SOX5: variants seen among roughly 807,000 people sequenced by gnomAD.
The protein encoded by SOX5 is SRY-box transcription factor 5.
In SOX5, 9 loss-of-function variants were observed where a neutral mutation model predicts 92.0. That is an observed-to-expected ratio of 0.10 (90% CI 0.06 to 0.17). The LOEUF (loss-of-function observed/expected upper bound fraction) is 0.17, where lower values mean the gene tolerates loss of function less well. Among genes scored for constraint, SOX5 ranks in the 10% least tolerant of loss-of-function variants. The pLI, the probability that SOX5 is intolerant of heterozygous loss-of-function variation, is 1.00. For synonymous variants in SOX5, 344 were observed against 336.3 expected (o/e 1.02, Z -0.25); for missense variants, 642 against 944.5 (o/e 0.68, Z 4.20).
intron 1 of SOX5, among the ~76,000 whole-genome samples, chr12:24,545,680 G>A (rs1197357057): frequency 6.6e-6 from 1 of 152,206 alleles, no homozygotes; most frequent in Admixed American, 6.5e-5. Context: ...GTTGTTTGTA[G>A]TGGATGCTGT....
At chr12:24,322,321 A>C (rs1950280384) in intron 2 of SOX5, among the ~76,000 whole-genome samples, 1 of 152,146 alleles carries the variant, frequency 6.6e-6, no homozygotes, top group African/African-American at 2.4e-5. Flanking sequence ...CACTCGCCTA[A>C]GGTGCTATCT....
chr12:24,511,565 G>A (rs1949305270), intron 1 of SOX5, among the ~76,000 whole-genome samples: 1 of 152,162 alleles, frequency 6.6e-6, no homozygotes, highest in Non-Finnish European at 1.5e-5. Flanking sequence ...CCTAGCAGGA[G>A]CACTTCTGAT....
intron 2 of SOX5, among the ~76,000 whole-genome samples, chr12:24,359,829 A>T (rs1387065822): frequency 6.6e-6 from 1 of 152,226 alleles, no homozygotes; most frequent in Non-Finnish European, 1.5e-5. Context: ...AATAGCCTTG[A>T]AAACAAAAAA....
At chr12:24,053,358 GA>G (rs1957768066) in intron 4 of SOX5, among the ~76,000 whole-genome samples, 1 of 152,028 alleles carries the variant, frequency 6.6e-6, no homozygotes, top group Non-Finnish European at 1.5e-5. Flanking sequence ...TCGAACTCCC[GA>G]CCTCAGGTGA....
rs150903612 is a variant in SOX5 at position 24,180,173 on chromosome 12, T to C, written c.-2+33170A>G. 1.0e-2 allele frequency among the ~76,000 whole-genome samples: 1,519 copies of C among 152,188 alleles called. 30 individuals carry two copies. The highest frequency in any genetic ancestry group is 0.035 in the African/African-American group (1,452 of 41,528). On this transcript the variant is annotated intron_variant, in intron 4 of 4. Coordinates refer to the SOX5 transcript ENST00000446891. The stretch of plus-strand genomic sequence containing the variant: ...GGTCTTATTATGTTGCCCAGGCTGG[T>C]CTCAAATTCCTAGGCTCAAGGCTCA...
chr12:24,155,415 T>C (rs1952063677), intron 4 of SOX5, among the ~76,000 whole-genome samples: 1 of 152,156 alleles, frequency 6.6e-6, no homozygotes, highest in Non-Finnish European at 1.5e-5. Flanking sequence ...TTCTTATTTT[T>C]TTGACATTGT....
intron 1 of SOX5, among the ~76,000 whole-genome samples, chr12:24,409,693 A>G (rs1963706911): frequency 6.6e-6 from 1 of 152,180 alleles, no homozygotes; most frequent in Non-Finnish European, 1.5e-5. Flanking sequence ...CATCCTTGTC[A>G]GCATTTGATA....
At chr12:23,819,759 A>G (rs1468928680) in intron 3 of SOX5, among the ~76,000 whole-genome samples, 1 of 151,890 alleles carries the variant, frequency 6.6e-6, no homozygotes, top group African/African-American at 2.4e-5. Context: ...ACATGAACTC[A>G]TTTTTCTTTT....
intron 4 of SOX5, among the ~76,000 whole-genome samples, chr12:24,185,084 A>G (rs1440388239): frequency 1.3e-5 from 2 of 152,142 alleles, no homozygotes; most frequent in Non-Finnish European, 2.9e-5. Context: ...CTGACACTGC[A>G]CTAGACACTC....
At chr12:24,037,452 G>A (rs1371553235) in intron 4 of SOX5, among the ~76,000 whole-genome samples, 1 of 152,126 alleles carries the variant, frequency 6.6e-6, no homozygotes, top group Non-Finnish European at 1.5e-5. Flanking sequence ...TGTGAACCAT[G>A]TATAGATAAA....
intron 1 of SOX5, among the ~76,000 whole-genome samples, chr12:24,508,801 C>T (rs547214447): frequency 6.6e-6 from 1 of 152,000 alleles, no homozygotes; most frequent in South Asian, 2.1e-4. Context: ...TCTGGAGGCT[C>T]AGTGTTAAGG....
chr12:24,141,692 C>T (rs1023098958), intron 4 of SOX5, among the ~76,000 whole-genome samples: 1 of 145,946 alleles, frequency 6.9e-6, no homozygotes, highest in Non-Finnish European at 1.5e-5. Context: ...CTCTCAAATG[C>T]TATAAATTGG....
chr12:23,800,890 T>A (rs1259906424), intron 3 of SOX5, among the ~76,000 whole-genome samples: 2 of 152,096 alleles, frequency 1.3e-5, no homozygotes, highest in Non-Finnish European at 2.9e-5. Context: ...CAATAGGAAA[T>A]TAGATAATGA....
intron 1 of SOX5, among the ~76,000 whole-genome samples, chr12:24,545,957 C>T (rs144845346): frequency 6.6e-6 from 1 of 152,314 alleles, no homozygotes; most frequent in East Asian, 1.9e-4. Flanking sequence ...TCCTCCTATC[C>T]GTCCTTTTCC....
At chr12:23,707,723 C>CT (rs926926443) in intron 6 of SOX5, among the ~76,000 whole-genome samples, 4 of 151,946 alleles carry the variant, frequency 2.6e-5, no homozygotes, top group Admixed American at 2.6e-4. Flanking sequence ...CTTTCAGGAA[C>CT]TTTTTATTTT....
intron 4 of SOX5, among the ~76,000 whole-genome samples, chr12:24,140,099 C>G (rs147419652): frequency 7.3e-4 from 111 of 152,222 alleles, no homozygotes; most frequent in African/African-American, 2.5e-3. Context: ...TAGGGAAATA[C>G]CTATACCATA....
chr12:24,093,744 T>C (rs1369227667), intron 4 of SOX5, among the ~76,000 whole-genome samples: 3 of 150,842 alleles, frequency 2.0e-5, no homozygotes. Flanking sequence ...CTTGTACAAG[T>C]CCCGGGAGCT....
intron 4 of SOX5, among the ~76,000 whole-genome samples, chr12:24,040,346 C>T (rs561797302): frequency 9.9e-5 from 15 of 152,136 alleles, no homozygotes; most frequent in South Asian, 2.1e-4. Flanking sequence ...TGAAACTGCT[C>T]CAAGTAAAAA....
chr12:24,026,364 GTAATT>G (rs1307543827), intron 4 of SOX5, among the ~76,000 whole-genome samples: 1 of 151,960 alleles, frequency 6.6e-6, no homozygotes, highest in African/African-American at 2.4e-5. Flanking sequence ...TTCACTGATT[GTAATT>G]TAATAGTGGC....
Sources: gnomAD v4.1 joint callset for allele counts (sites outside exome capture counted in the v4.1 genomes callset) on GRCh38, gnomAD v4.1.1 for gene constraint, MANE v1.5 for transcripts, NCBI Gene and HGNC (gene_info 2026-07-23, HGNC 2026-07-21) for gene names.